SASH1: variants seen among roughly 807,000 people sequenced by gnomAD.
The protein encoded by SASH1 is SAM and SH3 domain-containing protein 1.
In SASH1, 44 loss-of-function variants were observed where a neutral mutation model predicts 125.2. The ratio of observed to expected loss-of-function variants is 0.35; its 90% CI spans 0.28 to 0.45. SASH1 has a LOEUF of 0.45. Among genes scored for constraint, SASH1 ranks in the 20% least tolerant of loss-of-function variants. The probability of loss-of-function intolerance (pLI) is 1.00; values close to 1 mark genes in which losing one functional copy is unlikely to be tolerated. For missense variants in SASH1, 1,426 were observed against 1,614.5 expected (o/e 0.88, Z 2.00); for synonymous variants, 639 against 649.1 (o/e 0.98, Z 0.24).
chr6:148,285,057 C>T (rs1779446394), intron 1 of SASH1, among the ~76,000 whole-genome samples: 1 of 152,190 alleles, frequency 6.6e-6, no homozygotes, highest in African/African-American at 2.4e-5. Context: ...AATGCCACTC[C>T]GGACCTCTCC....
chr6:148,449,074 A>ATTTTTTTT (rs1562419990), intron 4 of SASH1, among the ~76,000 whole-genome samples: 2 of 32,750 alleles, frequency 6.1e-5, no homozygotes, highest in Non-Finnish European at 1.3e-4. Flanking sequence ...ATTTCATTTC[A>ATTTTTTTT]TTTCTTTTTT....
chr6:148,406,806 C>T (rs534690975), intron 2 of SASH1, among the ~76,000 whole-genome samples: 1 of 149,822 alleles, frequency 6.7e-6, no homozygotes, highest in African/African-American at 2.5e-5. Flanking sequence ...ATCAGGCTCT[C>T]CAAGGGAGGA....
Position 148,548,603 on chromosome 6 carries a change from T to C in SASH1, c.*45T>C. 6 of 1,533,596 alleles carry C rather than the reference T, an allele frequency of 3.9e-6. No homozygotes were observed. The highest frequency in any genetic ancestry group is 2.3e-5 in the East Asian group (1 of 44,342). 95.0% of individuals were successfully genotyped at this position (1,533,596 alleles called of 1,614,324 possible). ...CTCTGGACAAGAGCCACCCTTTCACTGTGCATATGATGCTGATGCAATTCC... is the reference window on the plus strand; with the variant it reads ...CTCTGGACAAGAGCCACCCTTTCACCGTGCATATGATGCTGATGCAATTCC... On this transcript the variant is annotated 3_prime_UTR_variant, in exon 20 of 20. Coordinates refer to ENST00000367467, the MANE Select transcript of SASH1 (RefSeq NM_015278.5).
chr6:148,206,822 CACACACACAA>C, the SASH1 span, among the ~76,000 whole-genome samples: 1 of 151,702 alleles, frequency 6.6e-6, no homozygotes, highest in East Asian at 1.9e-4. Context: ...CACACACACA[CACACACACAA>C]ATTAACATAA....
At chr6:148,284,331 C>T (rs1779427753) in intron 1 of SASH1, among the ~76,000 whole-genome samples, 1 of 151,978 alleles carries the variant, frequency 6.6e-6, no homozygotes, top group Admixed American at 6.6e-5. Flanking sequence ...CCCAGCTACT[C>T]AGGAGGCTGA....
intron 1 of SASH1, among the ~76,000 whole-genome samples, chr6:148,383,245 G>T (rs1200469958): frequency 6.6e-6 from 1 of 151,882 alleles, no homozygotes; most frequent in Non-Finnish European, 1.5e-5. Flanking sequence ...GCTAATTAAG[G>T]GTGAAAACAC....
chr6:148,312,682 T>C (rs1234498191), intron 1 of SASH1, among the ~76,000 whole-genome samples: 1 of 152,246 alleles, frequency 6.6e-6, no homozygotes, highest in East Asian at 1.9e-4. Context: ...AAATATGCTC[T>C]GAGAATTAAA....
At chr6:148,318,504 C>T (rs1170637897) in intron 1 of SASH1, among the ~76,000 whole-genome samples, 1 of 151,638 alleles carries the variant, frequency 6.6e-6, no homozygotes, top group Non-Finnish European at 1.5e-5. Context: ...GGCCATAGAA[C>T]ATTGGCAGCT....
intron 1 of SASH1, among the ~76,000 whole-genome samples, chr6:148,299,172 A>T (rs1285442311): frequency 2.0e-5 from 3 of 152,222 alleles, no homozygotes; most frequent in African/African-American, 4.8e-5. Context: ...CAGCGGGAAC[A>T]AAATGAACTT....
intron 4 of SASH1, among the ~76,000 whole-genome samples, chr6:148,455,030 C>G (rs1777270896): frequency 6.6e-6 from 1 of 152,214 alleles, no homozygotes; most frequent in Non-Finnish European, 1.5e-5. Flanking sequence ...GAACACCTCA[C>G]TTGCAGTATT....
chr6:148,208,331 A>G, the SASH1 span, among the ~76,000 whole-genome samples: 1 of 152,226 alleles, frequency 6.6e-6, no homozygotes, highest in Non-Finnish European at 1.5e-5. Context: ...AAAGAGATGC[A>G]TAGGACATGA....
intron 1 of SASH1, among the ~76,000 whole-genome samples, chr6:148,322,705 A>G (rs1372124535): frequency 6.6e-6 from 1 of 152,122 alleles, no homozygotes; most frequent in Non-Finnish European, 1.5e-5. Context: ...GCATCATGCC[A>G]TGATAATTCT....
chr6:148,348,960 C>T (rs1364785057), intron 1 of SASH1, among the ~76,000 whole-genome samples: 1 of 152,194 alleles, frequency 6.6e-6, no homozygotes. Context: ...AACCCAGGAG[C>T]GTCTGGGCGG....
intron 1 of SASH1, among the ~76,000 whole-genome samples, chr6:148,387,687 T>C (rs572503437): frequency 7.8e-6 from 1 of 127,850 alleles, no homozygotes; most frequent in Non-Finnish European, 1.6e-5. Context: ...TTTCTTTCTT[T>C]CTTTCGGCAT....
intron 1 of SASH1, among the ~76,000 whole-genome samples, chr6:148,364,797 TAAAAAATTAAG>T (rs374457156): frequency 1.3e-3 from 200 of 152,154 alleles, no homozygotes; most frequent in African/African-American, 4.6e-3. Flanking sequence ...ATACCAATAT[TAAAAAATTAAG>T]AACATTCCAT....
chr6:148,532,793 A>C lies in SASH1; in HGVS notation c.1565-4A>C. On this transcript the variant is annotated splice_polypyrimidine_tract_variant and splice_region_variant and intron_variant, in intron 13 of 19. Transcript: ENST00000367467. This position sits in a 1 kb window ranked among gnomAD's most constrained non-coding sequence, Gnocchi z 4.7. ...CCCGTGTTCTTCCTATGTTTCCTGT[A>C]CAGGCGGTCAAACAGTGAGCACCAC... 1 of 1,614,104 alleles carries C rather than the reference A, an allele frequency of 6.2e-7. No homozygotes were observed. The highest frequency in any genetic ancestry group is 8.5e-7 in the Non-Finnish European group (1 of 1,180,028).
chr6:148,314,087 G>A (rs1780410378), intron 1 of SASH1, among the ~76,000 whole-genome samples: 1 of 152,146 alleles, frequency 6.6e-6, no homozygotes, highest in Non-Finnish European at 1.5e-5. Context: ...AAAAAGGAGT[G>A]GGATGTAGCC....
the SASH1 span, among the ~76,000 whole-genome samples, chr6:148,210,870 A>G: frequency 6.6e-6 from 1 of 152,224 alleles, no homozygotes; most frequent in Non-Finnish European, 1.5e-5. Context: ...CTAAATAGAC[A>G]TATTTTTTCT....
At chr6:148,426,464 C>G (rs2114962468) in intron 2 of SASH1, among the ~76,000 whole-genome samples, 1 of 152,248 alleles carries the variant, frequency 6.6e-6, no homozygotes. Flanking sequence ...TTTCCAGACA[C>G]CATTCTAGTG....
Sources: gnomAD v4.1 joint callset for allele counts (sites outside exome capture counted in the v4.1 genomes callset) on GRCh38, gnomAD v4.1.1 for gene constraint, Gnocchi (gnomAD v3.1) non-coding constraint, MANE v1.5 for transcripts, NCBI Gene and HGNC (gene_info 2026-07-23, HGNC 2026-07-21) for gene names.